KIRREL3: variants seen among roughly 807,000 people sequenced by gnomAD.
The protein encoded by KIRREL3 is kirre like nephrin family adhesion molecule 3, also known as kin of IRRE-like protein 3.
Under a neutral mutation model 89.7 loss-of-function variants are expected in KIRREL3, and 36 were observed. The observed-to-expected ratio is 0.40, with a 90% CI of 0.31 to 0.53. The LOEUF is 0.53. Among genes scored for constraint, KIRREL3 ranks in the 20% least tolerant of loss-of-function variants. KIRREL3 has a pLI of 0.49. For synonymous variants in KIRREL3, 445 were observed against 441.4 expected (o/e 1.01, Z -0.10); for missense variants, 864 against 1,056.6 (o/e 0.82, Z 2.53).
chr11:126,713,354 G>T (rs1947835165), intron 1 of KIRREL3, among the ~76,000 whole-genome samples: 1 of 152,254 alleles, frequency 6.6e-6, no homozygotes, highest in Non-Finnish European at 1.5e-5. Flanking sequence ...GGTGGGCCAA[G>T]GTGGGGAGGG....
rs1400166560 is a variant in KIRREL3, at chr11:126,867,269, T to C, written c.55+133186A>G. 6.6e-6 allele frequency among the ~76,000 whole-genome samples: 1 copy of C among 152,216 alleles called. No homozygotes were observed. Among genetic ancestry groups the C allele is most frequent in the African/African-American group, 2.4e-5 (1 of 41,452 alleles). ...CATGGGGATAAAGGAAATTCTCCCG[T>C]TTCAATAGCAGGTCTTCAGGACCTG... On this transcript the variant is annotated intron_variant, in intron 1 of 16. Coordinates refer to ENST00000525144, the MANE Select transcript of KIRREL3 (RefSeq NM_032531.4). This position sits in a 1 kb window ranked among gnomAD's most constrained non-coding sequence, Gnocchi z 4.7.
chr11:126,990,586 A>T lies in KIRREL3; in HGVS notation c.55+9869T>A, dbSNP rs957921882. Among the ~76,000 whole-genome samples the T allele has an allele frequency of 6.6e-6, 1 of 152,158 alleles. No individual in the cohort carries two copies. Among genetic ancestry groups the T allele is most frequent in the Non-Finnish European group, 1.5e-5 (1 of 68,028 alleles). On this transcript the variant is annotated intron_variant, in intron 1 of 16. Coordinates refer to ENST00000525144, the MANE Select transcript of KIRREL3 (RefSeq NM_032531.4). The surrounding 1 kb of genome is among the most constrained non-coding windows in gnomAD (Gnocchi z 6.3). ...GGCTGACTGAGGCACTGCAGCCTTC[A>T]CCTGGCGTCAGGGCCCAAAATAGTG...
chr11:126,837,274 C>A lies in KIRREL3; in HGVS notation c.55+163181G>T, dbSNP rs1017164572. Reference sequence around the variant, plus strand: ...GAGGGAGACAATACATGTAAGAACACTTGCTCTGTGTCTGACAGCTAGTAA... The same window carrying A: ...GAGGGAGACAATACATGTAAGAACAATTGCTCTGTGTCTGACAGCTAGTAA... On this transcript the variant is annotated intron_variant, in intron 1 of 16. Coordinates refer to ENST00000525144, the MANE Select transcript of KIRREL3 (RefSeq NM_032531.4). The surrounding 1 kb of genome is among the most constrained non-coding windows in gnomAD (Gnocchi z 4.7). 1.3e-5 allele frequency among the ~76,000 whole-genome samples: 2 copies of A among 152,206 alleles called. No homozygotes were observed. Among genetic ancestry groups the A allele is most frequent in the Admixed American group, 1.3e-4 (2 of 15,276 alleles).
At position 126,719,137 on chromosome 11, in the gene KIRREL3, A is replaced by G. The variant is rs769778961; in HGVS notation, c.56-156225T>C. Among the ~76,000 whole-genome samples, 4 of 152,222 alleles carry G rather than the reference A, an allele frequency of 2.6e-5. No individual in the cohort carries two copies. The highest frequency in any genetic ancestry group is 4.4e-5 in the Non-Finnish European group (3 of 68,054). On this transcript the variant is annotated intron_variant, in intron 1 of 16. Coordinates refer to ENST00000525144, the MANE Select transcript of KIRREL3 (RefSeq NM_032531.4). This position sits in a 1 kb window ranked among gnomAD's most constrained non-coding sequence, Gnocchi z 4.7. ...CTCTCACTGTCTCCTTCATCTAGAC[A>G]AACGCATTTCCCTTCATTCCGACAC... is the stretch of plus-strand genomic sequence containing the variant.
intron 1 of KIRREL3, among the ~76,000 whole-genome samples, chr11:126,572,151 C>T (rs1489279731): frequency 1.3e-5 from 2 of 152,156 alleles, no homozygotes; most frequent in South Asian, 2.1e-4. Flanking sequence ...TTTCTGCTTT[C>T]CTTATTTCTA....
chr11:126,437,119 C>CACT, intron 11 of KIRREL3, 110 bp from the exon 12 acceptor site: 1 of 1,001,842 alleles, frequency 1.0e-6, no homozygotes, highest in South Asian at 1.8e-5. Flanking sequence ...CACTGCCACA[C>CACT]ACTAACACAT....
intron 1 of KIRREL3, among the ~76,000 whole-genome samples, chr11:126,784,766 C>G (rs1592124369): frequency 6.6e-6 from 1 of 152,122 alleles, no homozygotes; most frequent in Non-Finnish European, 1.5e-5. Context: ...CTTGGTAGTC[C>G]TACGGTCAGA....
rs1452736685 is a variant in KIRREL3 at position 126,489,269 on chromosome 11, C to T, written c.434-15803G>A. ...GATGGGAGCTTCCTAAGGGAAGCAGCCCTGTCATGTTCCTCTTTGTCTCTC... is the reference window on the plus strand; with the variant it reads ...GATGGGAGCTTCCTAAGGGAAGCAGTCCTGTCATGTTCCTCTTTGTCTCTC... On this transcript the variant is annotated intron_variant, in intron 4 of 16. Transcript: ENST00000525144. This position sits in a 1 kb window ranked among gnomAD's most constrained non-coding sequence, Gnocchi z 5.5. 6.6e-6 allele frequency among the ~76,000 whole-genome samples: 1 copy of T among 152,114 alleles called. No homozygotes were observed. Among genetic ancestry groups the T allele is most frequent in the African/African-American group, 2.4e-5 (1 of 41,418 alleles).
At chr11:126,706,054 G>A (rs1025558511) in intron 1 of KIRREL3, among the ~76,000 whole-genome samples, 2 of 152,214 alleles carry the variant, frequency 1.3e-5, no homozygotes, top group Admixed American at 1.3e-4. Flanking sequence ...AGCCATGTGA[G>A]TGAACCACTA....
intron 2 of KIRREL3, among the ~76,000 whole-genome samples, chr11:126,536,893 C>T (rs1937937942): frequency 6.6e-6 from 1 of 152,160 alleles, no homozygotes; most frequent in Admixed American, 6.5e-5. Flanking sequence ...GATCTTCCCA[C>T]TCTCAGCATC....
intron 4 of KIRREL3, among the ~76,000 whole-genome samples, chr11:126,502,599 A>G (rs1957896683): frequency 1.3e-5 from 2 of 152,228 alleles, no homozygotes; most frequent in African/African-American, 4.8e-5. Flanking sequence ...TCAATAAATA[A>G]GTGGGAAATA....
rs1951257295 is a variant in KIRREL3, at chr11:126,807,935, C to T, written c.55+192520G>A. Among the ~76,000 whole-genome samples the T allele has an allele frequency of 6.6e-6, 1 of 152,214 alleles. No individual in the cohort carries two copies. The highest frequency in any genetic ancestry group is 6.5e-5 in the Admixed American group (1 of 15,286). Reference sequence around the variant, plus strand: ...ATATGCCCAAGGCCATGGGCTGCAACCTTTTTATCTGTATCCCTCAGTGCC... The same window carrying T: ...ATATGCCCAAGGCCATGGGCTGCAATCTTTTTATCTGTATCCCTCAGTGCC... On this transcript the variant is annotated intron_variant, in intron 1 of 16. Coordinates refer to ENST00000525144, the MANE Select transcript of KIRREL3 (RefSeq NM_032531.4). This position sits in a 1 kb window ranked among gnomAD's most constrained non-coding sequence, Gnocchi z 4.3.
At position 126,431,805 on chromosome 11, in the gene KIRREL3, C is replaced by A. The variant is rs572981648; in HGVS notation, c.1589-279G>T. Among the ~76,000 whole-genome samples the A allele has an allele frequency of 6.6e-6, 1 of 151,664 alleles. No individual in the cohort carries two copies. Among genetic ancestry groups the A allele is most frequent in the Non-Finnish European group, 1.5e-5 (1 of 67,950 alleles). On this transcript the variant is annotated intron_variant, in intron 13 of 16. Transcript: ENST00000525144. This position sits in a 1 kb window ranked among gnomAD's most constrained non-coding sequence, Gnocchi z 7.1. ...GGAAGGAGAGCGAGGCAGGCAGACA[C>A]GGAGAAGGGAGGGCCAGGGGACAGG... is the stretch of plus-strand genomic sequence containing the variant.
At chr11:126,436,616 C>T (rs557279873) in intron 12 of KIRREL3, among the ~76,000 whole-genome samples, 195 bp downstream of exon 12, 4 of 152,356 alleles carry the variant, frequency 2.6e-5, no homozygotes, top group South Asian at 2.1e-4. Context: ...GGTGGAGGCT[C>T]GTGCCCCTTG....
At chr11:126,784,538 C>T (rs1438943139) in intron 1 of KIRREL3, among the ~76,000 whole-genome samples, 5 of 151,934 alleles carry the variant, frequency 3.3e-5, no homozygotes, top group Admixed American at 6.5e-5. Context: ...GTGCAGTGAA[C>T]AACCTGTACA....
At chr11:126,452,187 C>T (rs1274026072) in intron 7 of KIRREL3, among the ~76,000 whole-genome samples, 1 of 152,240 alleles carries the variant, frequency 6.6e-6, no homozygotes, top group African/African-American at 2.4e-5. Flanking sequence ...ATAATAACAA[C>T]TGTAGTTTAA....
chr11:126,650,050 C>T (rs1200964752), intron 1 of KIRREL3, among the ~76,000 whole-genome samples: 5 of 152,222 alleles, frequency 3.3e-5, no homozygotes, highest in Non-Finnish European at 7.3e-5. Context: ...GGGCTTGCAC[C>T]CCATGAAGCC....
Position 126,796,635 on chromosome 11 carries a change from A to C in KIRREL3, c.55+203820T>G, listed in dbSNP as rs1003121434. 6.6e-6 allele frequency among the ~76,000 whole-genome samples: 1 copy of C among 152,046 alleles called. No individual in the cohort carries two copies. The highest frequency in any genetic ancestry group is 2.4e-5 in the African/African-American group (1 of 41,380). On this transcript the variant is annotated intron_variant, in intron 1 of 16. Coordinates refer to ENST00000525144, the MANE Select transcript of KIRREL3 (RefSeq NM_032531.4). The surrounding 1 kb of genome is among the most constrained non-coding windows in gnomAD (Gnocchi z 5.1). The stretch of plus-strand genomic sequence containing the variant: ...CCCTCTTATGTTAAGCATTGCCCCC[A>C]ACCCTGCTTTTTATTTATTTTTATT...
In KIRREL3 at chr11:126,734,713, G is replaced by A. The variant is rs1948744516; in HGVS notation, c.56-171801C>T. On this transcript the variant is annotated intron_variant, in intron 1 of 16. Coordinates refer to ENST00000525144, the MANE Select transcript of KIRREL3 (RefSeq NM_032531.4). This position sits in a 1 kb window ranked among gnomAD's most constrained non-coding sequence, Gnocchi z 5.9. The stretch of plus-strand genomic sequence containing the variant: ...TTCTATGTACTAGGAATTACAGAAA[G>A]TGATAAAGGAGACTGTGTGATATGG... Among the ~76,000 whole-genome samples the A allele has an allele frequency of 6.6e-6, 1 of 152,130 alleles. No homozygotes were observed. The highest frequency in any genetic ancestry group is 6.5e-5 in the Admixed American group (1 of 15,270).
Sources: allele counts gnomAD v4.1 joint callset (sites outside exome capture counted in the v4.1 genomes callset), GRCh38; gene constraint gnomAD v4.1.1; non-coding constraint Gnocchi (gnomAD v3.1); transcripts MANE v1.5; gene names NCBI Gene and HGNC (gene_info 2026-07-23, HGNC 2026-07-21).